CXorf65: variants seen among roughly 807,000 people sequenced by gnomAD.
The protein encoded by CXorf65 is chromosome X open reading frame 65, also known as uncharacterized protein CXorf65.
For synonymous variants in CXorf65, 54 were observed against 51.4 expected, an observed-to-expected ratio of 1.05 and a Z score of -0.21; for missense variants, 137 against 144.7, an observed-to-expected ratio of 0.95 and a Z score of 0.27.
chrX:71,104,101 T>A lies in CXorf65; in HGVS notation c.438A>T (p.Ser146=), dbSNP rs1569479338. The change falls in exon 6 of 6, where the codon TCA becomes TCT. Residue 146 remains serine (S), a synonymous_variant. Coordinates refer to ENST00000374251, the MANE Select transcript of CXorf65 (RefSeq NM_001025265.3). ...EPPASVPSKQ[S]GRSDKKKSTR... ...TGGACTTCTTTTTGTCTGATCGTCC[T>A]GATTGCTTGGACTAGAAAAAGAAAG... is the stretch of plus-strand genomic sequence containing the variant. 2 of 1,210,427 alleles carry A rather than the reference T, an allele frequency of 1.7e-6. No individual in the cohort carries two copies. The highest frequency in any genetic ancestry group is 2.2e-6 in the Non-Finnish European group (2 of 894,991).
intron 5 of CXorf65, 47 bp downstream of exon 5, chrX:71,104,251 G>T (rs763772990): frequency 3.6e-6 from 4 of 1,103,524 alleles, no homozygotes; most frequent in Non-Finnish European, 5.0e-6. Flanking sequence ...CAGTCGGCTG[G>T]TAGGGAGAGG....
At chrX:71,104,230 G>A in intron 5 of CXorf65, 68 bp downstream of exon 5, 2 of 1,108,280 alleles carry the variant, frequency 1.8e-6, no homozygotes, top group Non-Finnish European at 2.5e-6. Context: ...GGGCTGGGGT[G>A]TAGGAACATT....
chrX:71,105,887 A>G (rs1183358010), intron 3 of CXorf65, 113 bp downstream of exon 3: 1 of 840,313 alleles, frequency 1.2e-6, no homozygotes, highest in African/African-American at 2.1e-5. Flanking sequence ...AAGTGCTGAG[A>G]TTACAAGCAT....
In CXorf65 at chrX:71,104,104, T is replaced by C. The variant is rs771044809; in HGVS notation, c.435A>G (p.Gln145=). The C allele has an allele frequency of 2.8e-5, 34 of 1,207,442 alleles. No individual in the cohort carries two copies. In the South Asian group the frequency reaches 5.1e-4, roughly 18 times the overall value. ...ACTTCTTTTTGTCTGATCGTCCTGA[T>C]TGCTTGGACTAGAAAAAGAAAGTAA... ...IEPPASVPSK[Q]SGRSDKKKST... is the part of the protein sequence containing the mutation. Residue 145 remains glutamine, a synonymous_variant, in exon 6 of 6, where the codon CAA becomes CAG. Transcript: ENST00000374251.
rs1291228092 is a variant in CXorf65, at chrX:71,106,385, C to T, written c.67G>A (p.Val23Met). ...FLVNTNCAVV[V>M]LLYYIRSKVK... Reference sequence around the variant, plus strand: ...TTACTGCGGATGTAATACAGCAACACGACGACAGCACAGTTGGTATTGACC... The same window carrying T: ...TTACTGCGGATGTAATACAGCAACATGACGACAGCACAGTTGGTATTGACC... The change falls in exon 2 of 6, where the codon GTG becomes ATG. Residue 23 changes from valine to methionine, a missense_variant. By Grantham distance (21) the Val-to-Met change is conservative. Coordinates refer to ENST00000374251, the MANE Select transcript of CXorf65 (RefSeq NM_001025265.3). The T allele has an allele frequency of 5.8e-6, 7 of 1,208,913 alleles. No individual in the cohort carries two copies. The East Asian group carries it at 1.5e-4, about 26-fold the overall frequency.
In CXorf65 at chrX:71,105,854, G is replaced by A. The variant is rs750254533; in HGVS notation, c.250+146C>T. The A allele has an allele frequency of 1.2e-4, 75 of 604,152 alleles. No individual in the cohort carries two copies. The East Asian group carries it at 1.3e-3, about 10-fold the overall frequency. 49.8% of individuals were successfully genotyped at this position (604,152 alleles called of 1,213,427 possible). A position where few individuals can be genotyped will look rare whatever the true frequency, so the allele number is the denominator to read the frequency against. Reference sequence around the variant, plus strand: ...TGGTCTCAAACTCCTGCCCTCTATCGATTCTCCCGCCTTGGCCTCTCAAAG... The same window carrying A: ...TGGTCTCAAACTCCTGCCCTCTATCAATTCTCCCGCCTTGGCCTCTCAAAG... On this transcript the variant is annotated intron_variant, in intron 3 of 5. Coordinates refer to ENST00000374251, the MANE Select transcript of CXorf65 (RefSeq NM_001025265.3).
At chrX:71,104,616 C>T (rs1408982239) in intron 4 of CXorf65, among the ~76,000 whole-genome samples, 153 bp downstream of exon 4, 4 of 110,629 alleles carry the variant, frequency 3.6e-5, no homozygotes, top group East Asian at 5.7e-4. Flanking sequence ...GTGAGCTAAA[C>T]GTCCCTCCTA....
intron 4 of CXorf65, 92 bp from the exon 5 acceptor site, chrX:71,104,496 G>T: frequency 3.3e-6 from 2 of 608,141 alleles, no homozygotes; most frequent in East Asian, 3.6e-5. Context: ...ATCAGCTGGA[G>T]CCCCACTTGG....
Position 71,106,733 on chromosome X carries a change from T to C in CXorf65, c.-177A>G. On this transcript the variant is annotated 5_prime_UTR_variant, in exon 1 of 6. Transcript: ENST00000374251. ...ACAGGCAGGAGAGAGCTGTTGATAG[T>C]TGTGGATAACCAGTATCCCCAGGGG... 1 of 1,100,672 alleles carries C rather than the reference T, an allele frequency of 9.1e-7. No individual in the cohort carries two copies. The allele number at this position is 1,100,672 out of a possible 1,213,427, so 90.7% of individuals were successfully genotyped here. A position where few individuals can be genotyped will look rare whatever the true frequency, so the allele number is the denominator to read the frequency against.
In CXorf65 at chrX:71,106,525, C is replaced by T; in HGVS notation, c.25+7G>A. On this transcript the variant is annotated splice_region_variant and intron_variant, in intron 1 of 5. Transcript: ENST00000374251. ...TCCACAGACTCTAGTTCTGTGCTGC[C>T]CCTCACCTCCATGTTTGATGAAGAT... is the stretch of plus-strand genomic sequence containing the variant. 2.5e-6 allele frequency: 3 copies of T among 1,210,805 alleles called. No homozygotes were observed. Among genetic ancestry groups the T allele is most frequent in the Non-Finnish European group, 3.4e-6 (3 of 894,785 alleles).
chrX:71,104,269 T>C (rs2092240338), intron 5 of CXorf65, 29 bp downstream of exon 5: 1 of 1,133,288 alleles, frequency 8.8e-7, no homozygotes, highest in Non-Finnish European at 1.2e-6. Context: ...AGGGGGGTGC[T>C]GGGGCAGATC....
chrX:71,104,367 T>C lies in CXorf65; in HGVS notation c.357A>G (p.Arg119=). The change falls in exon 5 of 6, where the codon AGA becomes AGG. Residue 119 remains arginine, a synonymous_variant. Coordinates refer to ENST00000374251, the MANE Select transcript of CXorf65 (RefSeq NM_001025265.3). The part of the protein sequence containing the change: ...LRIQCDALER[R]RIQMLKMKEA... ...CTTTCATTTTAAGCATCTGAATTCG[T>C]CTCCTCTCCAGGGCATCACATTGTA... The C allele has an allele frequency of 8.3e-7, 1 of 1,207,263 alleles. No homozygotes were observed.
chrX:71,104,199 A>T, intron 5 of CXorf65, 87 bp from the exon 6 acceptor site: 2 of 1,135,861 alleles, frequency 1.8e-6, no homozygotes, highest in Non-Finnish European at 2.4e-6. Flanking sequence ...AAGAAATTGG[A>T]GGCAGGAAAT....
rs771562771 is a variant in CXorf65, at chrX:71,106,067, C to G, written c.183G>C (p.Glu61Asp). ...MLFLMKPNHA[E>D]YASKYLTARS... is the part of the protein sequence containing the mutation. ...GAGCTGTAAGGTATTTGCTGGCATA[C>G]TCTGCATGATTGGGCTTCATCAGGA... The change falls in exon 3 of 6, where the codon GAG (glutamate) becomes GAC (aspartate). Residue 61 changes from glutamate (E) to aspartate (D), a missense_variant. Transcript: ENST00000374251. The G allele has an allele frequency of 8.3e-7, 1 of 1,211,130 alleles. No individual in the cohort carries two copies.
In CXorf65 at chrX:71,104,951, C is replaced by T. The variant is rs1159152325; in HGVS notation, c.251-114G>A. On this transcript the variant is annotated intron_variant, in intron 3 of 5. Transcript: ENST00000374251. Reference sequence around the variant, plus strand: ...ACTACCCGCCAGATGCGGTGGCTCACGCCTGTAATCCCAGCATTTTGGGAG... The same window carrying T: ...ACTACCCGCCAGATGCGGTGGCTCATGCCTGTAATCCCAGCATTTTGGGAG... 4.0e-5 allele frequency: 26 copies of T among 651,929 alleles called. No individual in the cohort carries two copies. In the Admixed American group the frequency reaches 6.8e-4, roughly 17 times the overall value. The allele number at this position is 651,929 out of a possible 1,213,427, so 53.7% of individuals were successfully genotyped here.
Position 71,104,307 on chromosome X carries a change from C to T in CXorf65, c.417G>A (p.Ala139=), listed in dbSNP as rs1130009. The part of the protein sequence containing the change: ...AKKVVIIEPP[A]SVPSKQSGRS... ...ATTTGGCAAGTCTTACCGGGACACTCGCAGGGGGTTCAATTATAACGACCT... is the reference window on the plus strand; with the variant it reads ...ATTTGGCAAGTCTTACCGGGACACTTGCAGGGGGTTCAATTATAACGACCT... The change falls in exon 5 of 6, where the codon GCG becomes GCA. Residue 139 remains alanine (A), a synonymous_variant. Transcript: ENST00000374251. 333,819 of 1,198,449 alleles carry T rather than the reference C, an allele frequency of 0.28. 35,729 individuals are homozygous for T. Among genetic ancestry groups the T allele is most frequent in the Middle Eastern group, 0.42 (1,827 of 4,316 alleles).
chrX:71,106,130 G>A lies in CXorf65; in HGVS notation c.120C>T (p.Ile40=), dbSNP rs767725657. ...TTTTCCCCGTTTGTTCACACAAATCGATGGTGTCTGGAGGGAGATCACAGG... is the reference window on the plus strand; with the variant it reads ...TTTTCCCCGTTTGTTCACACAAATCAATGGTGTCTGGAGGGAGATCACAGG... ...SKVKLPKTNT[I]DLCEQTGKMK... Residue 40 remains isoleucine, a synonymous_variant, in exon 3 of 6, where the codon ATC becomes ATT. Transcript: ENST00000374251. 2.3e-5 allele frequency: 28 copies of A among 1,208,620 alleles called. No homozygotes were observed. The highest frequency in any genetic ancestry group is 3.0e-5 in the Non-Finnish European group (27 of 894,520).
In CXorf65 at chrX:71,104,830, C is replaced by T. The variant is rs761307947; in HGVS notation, c.258G>A (p.Arg86=). The change falls in exon 4 of 6, where the codon AGG becomes AGA. Residue 86 remains arginine, a synonymous_variant. Coordinates refer to ENST00000374251, the MANE Select transcript of CXorf65 (RefSeq NM_001025265.3). Reference sequence around the variant, plus strand: ...CAAAAGCTCTGTAAGCATTCTCCAGCCTGGTTCCTGTGAACATAGCCATGT... The same window carrying T: ...CAAAAGCTCTGTAAGCATTCTCCAGTCTGGTTCCTGTGAACATAGCCATGT... ...CKVERGPPGT[R]LENAYRAFVP... is the part of the protein sequence containing the mutation. 8.3e-7 allele frequency: 1 copy of T among 1,210,143 alleles called. No homozygotes were observed. Among genetic ancestry groups the T allele is most frequent in the South Asian group, 1.8e-5 (1 of 56,982 alleles).
chrX:71,104,810 G>C lies in CXorf65; in HGVS notation c.278C>G (p.Ala93Gly). Residue 93 changes from alanine (A) to glycine (G), a missense_variant, in exon 4 of 6, where the codon GCT becomes GGT. Coordinates refer to ENST00000374251, the MANE Select transcript of CXorf65 (RefSeq NM_001025265.3). ...PGTRLENAYR[A>G]FVPLLKNPEP... is the part of the protein sequence containing the mutation. ...CGGATTCTTGAGGAGAGGCACAAAA[G>C]CTCTGTAAGCATTCTCCAGCCTGGT... The C allele has an allele frequency of 8.3e-7, 1 of 1,211,057 alleles. No homozygotes were observed.
Sources: gnomAD v4.1 joint callset for allele counts (sites outside exome capture counted in the v4.1 genomes callset) on GRCh38, gnomAD v4.1.1 for gene constraint, MANE v1.5 for transcripts, NCBI Gene and HGNC (gene_info 2026-07-23, HGNC 2026-07-21) for gene names.